APOBEC1: variants seen among roughly 807,000 people sequenced by gnomAD.
APOBEC1 encodes the protein C->U-editing enzyme APOBEC-1.
A neutral mutation model predicts 26.3 loss-of-function variants in APOBEC1; 22 were observed. That is an observed-to-expected ratio of 0.84 (90% CI 0.60 to 1.19). The LOEUF (loss-of-function observed/expected upper bound fraction) is 1.19. APOBEC1 is among the 50% of genes most tolerant of loss of function. The pLI is 0.00. For synonymous variants in APOBEC1, 77 were observed against 95.3 expected (o/e 0.81, Z 1.12); for missense variants, 253 against 289.0 (o/e 0.88, Z 0.90).
chr12:7,650,981 G>T, intron 4 of APOBEC1, 42 bp downstream of exon 4: 2 of 1,388,600 alleles, frequency 1.4e-6, no homozygotes, highest in Non-Finnish European at 2.0e-6. Flanking sequence ...GAAGAAGGAT[G>T]CTTCTTTTTG....
chr12:7,651,950 A>C (rs1863648725), intron 3 of APOBEC1, among the ~76,000 whole-genome samples: 1 of 151,840 alleles, frequency 6.6e-6, no homozygotes. Context: ...CCTCCCGAGT[A>C]GCTGGGACTA....
chr12:7,656,116 C>A (rs1312645431), intron 1 of APOBEC1, among the ~76,000 whole-genome samples: 1 of 151,896 alleles, frequency 6.6e-6, no homozygotes, highest in African/African-American at 2.4e-5. Context: ...GGATTACAGG[C>A]ATGATTCACC....
chr12:7,655,644 G>A (rs1272111843), intron 1 of APOBEC1, among the ~76,000 whole-genome samples: 2 of 152,182 alleles, frequency 1.3e-5, no homozygotes, highest in Non-Finnish European at 2.9e-5. Flanking sequence ...CCATGGTGGT[G>A]GAGTAGTTTG....
Position 7,659,322 on chromosome 12 carries a change from A to AAAAAAT in APOBEC1, c.17-4691_17-4690insATTTTT, listed in dbSNP as rs1555094633. On this transcript the variant is annotated intron_variant, in intron 1 of 4. Coordinates refer to ENST00000229304, the MANE Select transcript of APOBEC1 (RefSeq NM_001644.5). The stretch of plus-strand genomic sequence containing the variant: ...AAAAAAAAAAAAAAAAAAAAAAAAA[A>AAAAAAT]ATATATATATATATATATATATATA... Among the ~76,000 whole-genome samples the AAAAAAT allele has an allele frequency of 3.7e-4, 17 of 46,280 alleles. 2 individuals carry two copies. The highest frequency in any genetic ancestry group is 4.9e-4 in the Non-Finnish European group (15 of 30,512). 30.4% of individuals were successfully genotyped at this position (46,280 alleles called of 152,430 possible).
intron 4 of APOBEC1, among the ~76,000 whole-genome samples, chr12:7,650,346 GCTGT>G (rs1411395951): frequency 6.6e-6 from 1 of 152,178 alleles, no homozygotes; most frequent in Non-Finnish European, 1.5e-5. Flanking sequence ...GGAGTTTGAG[GCTGT>G]GGGTTGCTGT....
At chr12:7,667,675 G>A (rs1279471875), upstream of APOBEC1, among the ~76,000 whole-genome samples, 1 of 152,150 alleles carries the variant, frequency 6.6e-6, no homozygotes, top group Non-Finnish European at 1.5e-5. Context: ...AGCACTATGA[G>A]AGGCAGAGAT....
rs1373553895 is a variant in APOBEC1 at position 7,652,631 on chromosome 12, G to A, written c.249C>T (p.Ser83=). 1.2e-6 allele frequency: 2 copies of A among 1,614,138 alleles called. No individual in the cohort carries two copies. Among genetic ancestry groups the A allele is most frequent in the South Asian group, 2.2e-5 (2 of 91,078 alleles). The change falls in exon 3 of 5, where the codon TCC becomes TCT. Residue 83 remains serine (S), a synonymous_variant. Coordinates refer to ENST00000229304, the MANE Select transcript of APOBEC1 (RefSeq NM_001644.5). ...GACTCCAGGACAAGAACCAGGTGAT[G>A]GAGCAGCTCATGGATGGGTGAAAAT... is the stretch of plus-strand genomic sequence containing the variant. ...ERDFHPSMSC[S]ITWFLSWSPC...
At chr12:7,650,116 C>G (rs934173396) in intron 4 of APOBEC1, among the ~76,000 whole-genome samples, 4 of 152,082 alleles carry the variant, frequency 2.6e-5, no homozygotes, top group Non-Finnish European at 5.9e-5. Flanking sequence ...TGCACCCAGC[C>G]TGAACCACTT....
intron 1 of APOBEC1, among the ~76,000 whole-genome samples, chr12:7,660,375 G>GGAAAGAAAGAAA (rs1555094885): frequency 1.7e-4 from 4 of 23,968 alleles, no homozygotes; most frequent in African/African-American, 5.0e-4. Context: ...AAGGAAGGAA[G>GGAAAGAAAGAAA]GAAAGAAAGA....
At chr12:7,666,047 A>G, upstream of APOBEC1, 1 of 727,318 alleles carries the variant, frequency 1.4e-6, no homozygotes, top group South Asian at 1.5e-5. Context: ...GCCGACTGAG[A>G]GGGACATTAT....
chr12:7,666,439 G>T (rs148501291), upstream of APOBEC1, among the ~76,000 whole-genome samples: 1,163 of 151,370 alleles, frequency 7.7e-3, 19 homozygotes, highest in African/African-American at 0.026. Context: ...GATTACAGGC[G>T]CCCAACACCA....
In APOBEC1 at chr12:7,654,594, G is replaced by A. The variant is rs774901084; in HGVS notation, c.44+11C>T. 1.9e-6 allele frequency: 3 copies of A among 1,613,342 alleles called. No individual in the cohort carries two copies. The African/African-American group carries it at 4.0e-5, about 22-fold the overall frequency. On this transcript the variant is annotated intron_variant, in intron 2 of 4. Transcript: ENST00000229304. Reference sequence around the variant, plus strand: ...CAAATTAAATGGGCACTGTGATAGTGTTATTCTTACCTCAGAGTGGGGTCA... The same window carrying A: ...CAAATTAAATGGGCACTGTGATAGTATTATTCTTACCTCAGAGTGGGGTCA...
chr12:7,651,809 T>A (rs185848939), intron 3 of APOBEC1, among the ~76,000 whole-genome samples: 26,148 of 147,204 alleles, frequency 0.18, 2,650 homozygotes, highest in South Asian at 0.34. Flanking sequence ...TTTATTTTAT[T>A]TTTTATTTTA....
intron 1 of APOBEC1, 104 bp from the exon 2 acceptor site, chr12:7,654,736 G>A: frequency 8.9e-7 from 1 of 1,119,028 alleles, no homozygotes; most frequent in Non-Finnish European, 1.3e-6. Context: ...CTCAGAAAAT[G>A]GAATTTGAAG....
intron 4 of APOBEC1, among the ~76,000 whole-genome samples, chr12:7,650,121 C>A (rs954743932): frequency 2.0e-5 from 3 of 152,002 alleles, no homozygotes; most frequent in African/African-American, 7.3e-5. Context: ...CCAGCCTGAA[C>A]CACTTTCAAG....
intron 3 of APOBEC1, among the ~76,000 whole-genome samples, chr12:7,651,915 G>A (rs964249735): frequency 1.3e-5 from 2 of 151,932 alleles, no homozygotes; most frequent in South Asian, 4.2e-4. Context: ...CCGCCTCCCG[G>A]GTTCACGCCA....
intron 2 of APOBEC1, among the ~76,000 whole-genome samples, chr12:7,653,273 C>T (rs1863672234): frequency 6.6e-6 from 1 of 152,160 alleles, no homozygotes; most frequent in Non-Finnish European, 1.5e-5. Flanking sequence ...CATAACATCT[C>T]AGGAAACTTC....
intron 1 of APOBEC1, among the ~76,000 whole-genome samples, chr12:7,662,428 C>G (rs919168826): frequency 6.6e-6 from 1 of 151,214 alleles, no homozygotes; most frequent in East Asian, 2.0e-4. Context: ...ACTAAAAATA[C>G]AAAAATTAGC....
intron 1 of APOBEC1, among the ~76,000 whole-genome samples, chr12:7,660,799 T>C (rs969472318): frequency 2.6e-5 from 4 of 151,714 alleles, no homozygotes; most frequent in Admixed American, 6.6e-5. Context: ...TAGATGCAGC[T>C]GGAGACCATT....
Sources: allele counts gnomAD v4.1 joint callset (sites outside exome capture counted in the v4.1 genomes callset), GRCh38; gene constraint gnomAD v4.1.1; transcripts MANE v1.5; gene names NCBI Gene and HGNC (gene_info 2026-07-23, HGNC 2026-07-21).